Variants in IDO2 observed in about 807,000 individuals in gnomAD.
IDO2 encodes indoleamine 2,3-dioxygenase-like 1 protein.
A neutral mutation model predicts 45.1 loss-of-function variants in IDO2; 46 were observed. The ratio of observed to expected loss-of-function variants is 1.02; its 90% confidence interval spans 0.80 to 1.30. The LOEUF (loss-of-function observed/expected upper bound fraction) is 1.30. Among genes scored for constraint, IDO2 ranks in the 50% most tolerant of loss-of-function variants. The pLI, the probability that IDO2 is intolerant of heterozygous loss-of-function variation, is 0.00. For missense variants in IDO2, 544 were observed against 491.8 expected (o/e 1.11, Z -1.00); for synonymous variants, 218 against 184.9 (o/e 1.18, Z -1.45).
chr8:39,981,803 G>A (rs1808357203), intron 4 of IDO2, among the ~76,000 whole-genome samples: 1 of 152,090 alleles, frequency 6.6e-6, no homozygotes, highest in South Asian at 2.1e-4. Context: ...ATGGAAGAGG[G>A]GGCACAAGGA....
intron 3 of IDO2, 54 bp from the exon 4 acceptor site, chr8:39,979,013 C>T: frequency 6.5e-7 from 1 of 1,545,076 alleles, no homozygotes; most frequent in Non-Finnish European, 8.8e-7. Flanking sequence ...CCCGTTACCT[C>T]CCCTGTCCCG....
In IDO2 at chr8:39,935,103, C is replaced by G. The variant is rs556328234; in HGVS notation, c.-133C>G. 4 of 1,033,798 alleles carry G rather than the reference C, an allele frequency of 3.9e-6. No homozygotes were observed. The African/African-American group carries it at 4.7e-5, about 12-fold the overall frequency. The allele number at this position is 1,033,798 out of a possible 1,614,324, so 64.0% of individuals were successfully genotyped here. ...GATTAGATTTGACATTAGAAATGTA[C>G]CATAATACAGAAGGCAATGGACACC... On this transcript the variant is annotated 5_prime_UTR_variant, in exon 1 of 11. The change creates a premature stop within an existing upstream ORF in the 5' untranslated region. Coordinates refer to ENST00000502986, the Ensembl canonical transcript of IDO2.
chr8:40,008,493 G>T (rs1191850805), intron 9 of IDO2, among the ~76,000 whole-genome samples: 2 of 152,080 alleles, frequency 1.3e-5, no homozygotes, highest in Non-Finnish European at 2.9e-5. Context: ...CTATGTCAAG[G>T]TCAACTGATT....
chr8:39,997,519 A>C (rs1383771365), intron 8 of IDO2, among the ~76,000 whole-genome samples: 1 of 152,066 alleles, frequency 6.6e-6, no homozygotes, highest in African/African-American at 2.4e-5. Context: ...AAAAAATACA[A>C]AAATTAGATG....
chr8:39,985,090 C>A (rs1190971717), intron 5 of IDO2: 10 of 305,646 alleles, frequency 3.3e-5, no homozygotes, highest in Middle Eastern at 1.2e-3. Context: ...TACCACCACA[C>A]CCGACTAATT....
chr8:40,002,520 C>T (rs558552567), intron 8 of IDO2, among the ~76,000 whole-genome samples: 4 of 152,244 alleles, frequency 2.6e-5, no homozygotes, highest in African/African-American at 9.6e-5. Flanking sequence ...TGGAGCTGGG[C>T]GCGGTGGCTC....
At chr8:39,975,100 G>T (rs1808238769) in intron 3 of IDO2, among the ~76,000 whole-genome samples, 1 of 151,048 alleles carries the variant, frequency 6.6e-6, no homozygotes, top group Non-Finnish European at 1.5e-5. Context: ...CTGGGAAACA[G>T]AGAAAGACTC....
chr8:39,966,842 A>C (rs1808091240), intron 3 of IDO2, among the ~76,000 whole-genome samples: 1 of 152,218 alleles, frequency 6.6e-6, no homozygotes, highest in African/African-American at 2.4e-5. Flanking sequence ...TTACCAAATA[A>C]TATGGAAAAA....
intron 2 of IDO2, among the ~76,000 whole-genome samples, chr8:39,950,766 A>C (rs1807803071): frequency 6.6e-6 from 1 of 152,184 alleles, no homozygotes; most frequent in Non-Finnish European, 1.5e-5. Context: ...AAGGGAACAG[A>C]ACAAAGAAAG....
intron 3 of IDO2, among the ~76,000 whole-genome samples, chr8:39,964,635 G>A (rs1312525625): frequency 6.6e-6 from 1 of 152,204 alleles, no homozygotes; most frequent in East Asian, 1.9e-4. Flanking sequence ...CAAAGCACTA[G>A]AACCTTGTAA....
chr8:40,012,267 C>T (rs951922952), intron 9 of IDO2, among the ~76,000 whole-genome samples: 2 of 152,132 alleles, frequency 1.3e-5, no homozygotes, highest in African/African-American at 4.8e-5. Flanking sequence ...GAGAAAGTAG[C>T]TTGTTTCTGG....
In IDO2 at chr8:39,935,428, GTTGTTGTT is replaced by G. The variant is rs1563420920; in HGVS notation, c.-18+211_-18+218del. On this transcript the variant is annotated intron_variant, in intron 1 of 10. Transcript: ENST00000502986. Reference sequence around the variant, plus strand: ...TGCTTTGTGCATTACTTTTCTGGTTGTTGTTGTTGTTGTTGTTGTTGTTGTTGTTGTTG... The same window carrying G: ...TGCTTTGTGCATTACTTTTCTGGTTGGTTGTTGTTGTTGTTGTTGTTGTTG... Among the ~76,000 whole-genome samples, 89 of 18,226 alleles carry G rather than the reference GTTGTTGTT, an allele frequency of 4.9e-3. No individual in the cohort carries two copies. The South Asian group carries it at 0.09, about 18-fold the overall frequency. The allele number at this position is 18,226 out of a possible 152,430, so 12.0% of individuals were successfully genotyped here.
At position 39,988,007 on chromosome 8, in the gene IDO2, T is replaced by A. The variant is rs768031293; in HGVS notation, c.549+37T>A. 19 of 1,226,388 alleles carry A rather than the reference T, an allele frequency of 1.5e-5. 1 individual carries two copies. In the Middle Eastern group the frequency reaches 5.7e-4, roughly 37 times the overall value. 76.0% of individuals were successfully genotyped at this position (1,226,388 alleles called of 1,614,324 possible). On this transcript the variant is annotated intron_variant, in intron 7 of 10. Coordinates refer to ENST00000502986, the Ensembl canonical transcript of IDO2. ...CTTGATAGCACCTTTTCTTTTTAAA[T>A]GAGCTTGAGCTTTACTTCCCACTCA...
intron 1 of IDO2, among the ~76,000 whole-genome samples, chr8:39,942,330 G>C (rs1187594097): frequency 6.6e-6 from 1 of 152,170 alleles, no homozygotes; most frequent in African/African-American, 2.4e-5. Context: ...CTCACACTCT[G>C]GTAGTCCTGA....
At chr8:39,994,370 G>C (rs556586685) in intron 8 of IDO2, among the ~76,000 whole-genome samples, 16 of 151,514 alleles carry the variant, frequency 1.1e-4, no homozygotes, top group Middle Eastern at 3.4e-3. Context: ...TGATTCTTCT[G>C]CCTCAGCCTC....
chr8:39,989,409 C>T (rs1808468973), intron 7 of IDO2, among the ~76,000 whole-genome samples: 1 of 152,126 alleles, frequency 6.6e-6, no homozygotes, highest in African/African-American at 2.4e-5. Flanking sequence ...GTTGGAGATG[C>T]AGTAGAACTG....
At chr8:39,969,015 G>T (rs1808141483) in intron 3 of IDO2, among the ~76,000 whole-genome samples, 1 of 152,066 alleles carries the variant, frequency 6.6e-6, no homozygotes, top group Admixed American at 6.6e-5. Context: ...GTTGTGTTGT[G>T]ACTAGAATCT....
At chr8:39,997,837 A>C (rs2729481) in intron 8 of IDO2, 43,373 of 160,288 alleles carry the variant, frequency 0.27, 7,252 homozygotes, top group East Asian at 0.68. Context: ...ACTTCCCTAC[A>C]CTCCCCATCC....
At chr8:40,015,017 G>A (rs1285631052) in intron 10 of IDO2, among the ~76,000 whole-genome samples, 1 of 152,086 alleles carries the variant, frequency 6.6e-6, no homozygotes, top group African/African-American at 2.4e-5. Context: ...TTAGCTGGGT[G>A]TGGTGGCGCA....
Sources: allele counts gnomAD v4.1 joint callset (sites outside exome capture counted in the v4.1 genomes callset), GRCh38; gene constraint gnomAD v4.1.1; transcripts MANE v1.5; gene names NCBI Gene and HGNC (gene_info 2026-07-23, HGNC 2026-07-21).